SPRYD7: variants seen among roughly 807,000 people sequenced by gnomAD.
SPRYD7 encodes SPRY domain containing 7.
A neutral mutation model predicts 23.8 loss-of-function variants in SPRYD7; 14 were observed. The observed-to-expected ratio is 0.59, with a 90% CI of 0.39 to 0.92. SPRYD7 has a LOEUF of 0.92. Among genes scored for constraint, SPRYD7 ranks in the 40% least tolerant of loss-of-function variants. The pLI is 0.00. For synonymous variants in SPRYD7, 75 were observed against 84.9 expected (o/e 0.88, Z 0.64); for missense variants, 194 against 241.7 (o/e 0.80, Z 1.31).
chr13:49,921,212 G>A (rs1280166819), intron 4 of SPRYD7, among the ~76,000 whole-genome samples: 1 of 152,116 alleles, frequency 6.6e-6, no homozygotes, highest in Non-Finnish European at 1.5e-5. Flanking sequence ...AGATCTGATG[G>A]TTTCATAAGG....
chr13:49,922,263 A>G (rs1955829745), intron 3 of SPRYD7, among the ~76,000 whole-genome samples: 1 of 150,194 alleles, frequency 6.7e-6, no homozygotes. Flanking sequence ...AGTGATATTA[A>G]TAATTATTGT....
At chr13:49,925,909 A>G (rs1955878238) in intron 3 of SPRYD7, among the ~76,000 whole-genome samples, 1 of 151,846 alleles carries the variant, frequency 6.6e-6, no homozygotes, top group Admixed American at 6.6e-5. Context: ...TGATTATCAT[A>G]TGAATATAAT....
intron 3 of SPRYD7, among the ~76,000 whole-genome samples, chr13:49,924,433 G>A (rs1594513489): frequency 6.6e-6 from 1 of 152,174 alleles, no homozygotes; most frequent in Admixed American, 6.5e-5. Context: ...ATGCCACTAT[G>A]CCCGGCTAAT....
intron 1 of SPRYD7, among the ~76,000 whole-genome samples, chr13:49,932,801 G>C (rs968523571): frequency 2.6e-5 from 4 of 152,180 alleles, no homozygotes; most frequent in African/African-American, 7.2e-5. Context: ...AACTGGTTAA[G>C]AGATGCTCTC....
rs1955736884 is a variant in SPRYD7 at position 49,915,007 on chromosome 13, T to C, written c.*56A>G. 2.0e-6 allele frequency: 2 copies of C among 1,000,624 alleles called. No individual in the cohort carries two copies. The highest frequency in any genetic ancestry group is 2.7e-4 in the Middle Eastern group (1 of 3,710). The allele number at this position is 1,000,624 out of a possible 1,614,324, so 62.0% of individuals were successfully genotyped here. On this transcript the variant is annotated 3_prime_UTR_variant, in exon 5 of 5. Coordinates refer to ENST00000361840, the MANE Select transcript of SPRYD7 (RefSeq NM_020456.4). ...ATCTATAGGCCAGGTAAAGTTTTAT[T>C]AAATGATGAACATTTTTTAACAGTG...
chr13:49,923,439 T>G (rs997934488), intron 3 of SPRYD7, among the ~76,000 whole-genome samples: 1 of 152,128 alleles, frequency 6.6e-6, no homozygotes, highest in African/African-American at 2.4e-5. Flanking sequence ...AGATGGGGTT[T>G]CACCATGTTG....
At chr13:49,916,734 T>TG (rs1955756538) in intron 4 of SPRYD7, among the ~76,000 whole-genome samples, 1 of 152,170 alleles carries the variant, frequency 6.6e-6, no homozygotes, top group South Asian at 2.1e-4. Flanking sequence ...GCGTTTGGGA[T>TG]GGGGCTTAGA....
chr13:49,933,088 G>A (rs1871453896), intron 1 of SPRYD7, among the ~76,000 whole-genome samples: 1 of 152,168 alleles, frequency 6.6e-6, no homozygotes, highest in Non-Finnish European at 1.5e-5. Context: ...TAGTGGACAT[G>A]CAGTATCTGT....
intron 4 of SPRYD7, among the ~76,000 whole-genome samples, chr13:49,919,617 C>T (rs1955794122): frequency 1.3e-5 from 2 of 151,228 alleles, no homozygotes; most frequent in South Asian, 2.1e-4. Flanking sequence ...ATCCCAGCTA[C>T]TCTGGAGGCT....
At chr13:49,918,569 G>A (rs553022437) in intron 4 of SPRYD7, among the ~76,000 whole-genome samples, 5 of 147,468 alleles carry the variant, frequency 3.4e-5, no homozygotes, top group South Asian at 4.3e-4. Flanking sequence ...CACCACACAC[G>A]GTTTCACCAT....
At chr13:49,918,418 C>CT (rs1228444265) in intron 4 of SPRYD7, among the ~76,000 whole-genome samples, 1 of 97,080 alleles carries the variant, frequency 1.0e-5, no homozygotes, top group Non-Finnish European at 2.2e-5. Flanking sequence ...TTTTTTTTTT[C>CT]TTTTTTTTGA....
chr13:49,917,037 A>G (rs1955759725), intron 4 of SPRYD7, among the ~76,000 whole-genome samples: 1 of 152,158 alleles, frequency 6.6e-6, no homozygotes, highest in Admixed American at 6.5e-5. Flanking sequence ...ATGCACAAAG[A>G]ATTGCTGAAA....
chr13:49,921,525 T>C lies in SPRYD7; in HGVS notation c.446A>G (p.His149Arg). The change falls in exon 4 of 5, where the codon CAT becomes CGT. Residue 149 changes from histidine (H) to arginine (R), a missense_variant. Physicochemically the swap from His to Arg is conservative, Grantham distance 29. Coordinates refer to ENST00000361840, the MANE Select transcript of SPRYD7 (RefSeq NM_020456.4). ...CCCTCGTATACCTGATGCTGGACAA[T>C]GCATGTTTTTTCCATTCAAGTATAC... Reference protein sequence around the residue: ...LNVYLNGKNMHCPASGIRGTV... With the variant: ...LNVYLNGKNMRCPASGIRGTV... 6.2e-7 allele frequency: 1 copy of C among 1,613,754 alleles called. No homozygotes were observed. The highest frequency in any genetic ancestry group is 8.5e-7 in the Non-Finnish European group (1 of 1,179,736).
Position 49,927,915 on chromosome 13 carries a change from TCAC to T in SPRYD7, c.390+1_390+3del. 6.2e-7 allele frequency: 1 copy of T among 1,614,048 alleles called. No homozygotes were observed. Among genetic ancestry groups the T allele is most frequent in the Non-Finnish European group, 8.5e-7 (1 of 1,179,974 alleles). ...GTGGAAAGCAACTCCATGAGGGAACTCACCACCACATCTCCTTCCTGCGGAAGA... is the reference window on the plus strand; with the variant it reads ...GTGGAAAGCAACTCCATGAGGGAACTCACCACATCTCCTTCCTGCGGAAGA... On this transcript the variant is annotated splice_donor_variant and splice_donor_region_variant and intron_variant, in intron 3 of 4. Coordinates refer to ENST00000361840, the MANE Select transcript of SPRYD7 (RefSeq NM_020456.4). LOFTEE classifies it high-confidence loss of function.
At chr13:49,936,082 C>G (rs1343710365) in intron 1 of SPRYD7, 48 bp downstream of exon 1, 11 of 1,436,960 alleles carry the variant, frequency 7.7e-6, no homozygotes, top group Non-Finnish European at 9.3e-6. Context: ...CTGCCCGCCG[C>G]GCCCGGCCCC....
chr13:49,929,229 C>T (rs1955918970), intron 2 of SPRYD7, among the ~76,000 whole-genome samples: 1 of 152,164 alleles, frequency 6.6e-6, no homozygotes, highest in African/African-American at 2.4e-5. Context: ...AGTACTGCTT[C>T]AGCCTAGAAG....
At chr13:49,922,405 G>C (rs1955831677) in intron 3 of SPRYD7, among the ~76,000 whole-genome samples, 1 of 151,676 alleles carries the variant, frequency 6.6e-6, no homozygotes, top group Admixed American at 6.6e-5. Context: ...ATTCTAGGCA[G>C]TTCATATTTA....
At chr13:49,924,176 G>A (rs898790716) in intron 3 of SPRYD7, among the ~76,000 whole-genome samples, 10 of 151,816 alleles carry the variant, frequency 6.6e-5, no homozygotes, top group South Asian at 4.2e-4. Flanking sequence ...TAGTAGAGAC[G>A]GGGTTTCTCC....
In SPRYD7 at chr13:49,927,937, C is replaced by T. The variant is rs530669070; in HGVS notation, c.372G>A (p.Pro124=). 202 of 1,614,138 alleles carry T rather than the reference C, an allele frequency of 1.3e-4. No homozygotes were observed. Among genetic ancestry groups the T allele is most frequent in the South Asian group, 7.2e-4 (66 of 91,072 alleles). ...EKNRLPANSL[P]QEGDVVGITY... The stretch of plus-strand genomic sequence containing the variant: ...AACTCACCACCACATCTCCTTCCTG[C>T]GGAAGACTGTTTGCTGGCAGCCTAT... Residue 124 remains proline, a synonymous_variant, in exon 3 of 5, where the codon CCG becomes CCA. Transcript: ENST00000361840.
Sources: allele counts gnomAD v4.1 joint callset (sites outside exome capture counted in the v4.1 genomes callset), GRCh38; gene constraint gnomAD v4.1.1; transcripts MANE v1.5; gene names NCBI Gene and HGNC (gene_info 2026-07-23, HGNC 2026-07-21).